Variants in IFI44L observed in about 807,000 individuals in gnomAD.
The protein encoded by IFI44L is interferon-induced protein 44-like.
Under a neutral mutation model 39.3 loss-of-function variants are expected in IFI44L, and 40 were observed. The ratio of observed to expected loss-of-function variants is 1.02; its 90% CI spans 0.79 to 1.33. The LOEUF (loss-of-function observed/expected upper bound fraction) is 1.33, where lower values mean the gene tolerates loss of function less well. IFI44L is among the 40% of genes most tolerant of loss of function. The probability of loss-of-function intolerance (pLI) is 0.00; values close to 1 mark genes in which losing one functional copy is unlikely to be tolerated. For synonymous variants in IFI44L, 198 were observed against 182.3 expected (o/e 1.09, Z -0.69); for missense variants, 623 against 549.0 (o/e 1.13, Z -1.35).
chr1:78,632,968 A>G (rs1486730524), intron 4 of IFI44L, among the ~76,000 whole-genome samples: 1 of 152,184 alleles, frequency 6.6e-6, no homozygotes, highest in Non-Finnish European at 1.5e-5. Context: ...GGGGCAGAGC[A>G]AGATGGTCAC....
intron 1 of IFI44L, among the ~76,000 whole-genome samples, chr1:78,623,484 C>A (rs1488986600): frequency 7.0e-6 from 1 of 142,012 alleles, no homozygotes; most frequent in South Asian, 2.2e-4. Flanking sequence ...TTGAGATGAC[C>A]AATTTGTATT....
intron 1 of IFI44L, among the ~76,000 whole-genome samples, chr1:78,624,590 C>T (rs915249462): frequency 6.6e-6 from 1 of 152,034 alleles, no homozygotes; most frequent in Non-Finnish European, 1.5e-5. Flanking sequence ...CCTATTAGGT[C>T]CATTGGGACT....
rs1477934128 is a variant in IFI44L at position 78,643,945 on chromosome 1, C to T, written c.*2136C>T. On this transcript the variant is annotated 3_prime_UTR_variant, in exon 9 of 9. Transcript: ENST00000370751. ...AAAGGGCAAGTTGGTTAGTACTTAGCTGTGTTTTTATTCAAAGTCTACATT... is the reference window on the plus strand; with the variant it reads ...AAAGGGCAAGTTGGTTAGTACTTAGTTGTGTTTTTATTCAAAGTCTACATT... 6.6e-6 allele frequency: 1 copy of T among 152,072 alleles called. No individual in the cohort carries two copies. The highest frequency in any genetic ancestry group is 6.6e-5 in the Admixed American group (1 of 15,258). 9.4% of individuals were successfully genotyped at this position (152,072 alleles called of 1,614,324 possible). A position where few individuals can be genotyped will look rare whatever the true frequency, so the allele number is the denominator to read the frequency against.
chr1:78,635,649 G>T, intron 5 of IFI44L, 160 bp downstream of exon 5: 1 of 645,008 alleles, frequency 1.6e-6, no homozygotes, highest in East Asian at 2.8e-5. Flanking sequence ...TGAAAAAGTA[G>T]AGTGACTATT....
At chr1:78,635,535 G>T (rs1652916996) in intron 5 of IFI44L, 46 bp downstream of exon 5, 1 of 1,579,116 alleles carries the variant, frequency 6.3e-7, no homozygotes, top group African/African-American at 1.4e-5. Flanking sequence ...ATTTTCTTCA[G>T]TATTTTTCAT....
chr1:78,623,851 G>A (rs147451265), intron 1 of IFI44L, among the ~76,000 whole-genome samples: 105 of 152,260 alleles, frequency 6.9e-4, no homozygotes, highest in Non-Finnish European at 1.3e-3. Context: ...TAGAGAATTT[G>A]CTCTTCCTCT....
intron 5 of IFI44L, 96 bp downstream of exon 5, chr1:78,635,585 T>C (rs1652920117): frequency 8.9e-7 from 1 of 1,124,034 alleles, no homozygotes; most frequent in Admixed American, 2.2e-5. Flanking sequence ...ACTCCCATAA[T>C]GTGGTTTCAA....
intron 6 of IFI44L, among the ~76,000 whole-genome samples, chr1:78,639,681 T>C (rs1018053373): frequency 5.3e-5 from 8 of 152,072 alleles, no homozygotes; most frequent in African/African-American, 1.9e-4. Context: ...TTAGCTACAT[T>C]TAGTGTAAAG....
rs115786871 is a variant in IFI44L, at chr1:78,633,963, G to A, written c.724-1374G>A. On this transcript the variant is annotated intron_variant, in intron 4 of 8. Transcript: ENST00000370751. ...AGAAATGAAATAGAGAGCATCAACA[G>A]CAGAATTGATCAAGTAGAAGAGTCT... is the stretch of plus-strand genomic sequence containing the variant. 7.6e-3 allele frequency among the ~76,000 whole-genome samples: 1,158 copies of A among 152,182 alleles called. 16 individuals carry two copies. Among genetic ancestry groups the A allele is most frequent in the African/African-American group, 0.027 (1,112 of 41,536 alleles).
chr1:78,640,022 A>C (rs1646962363), intron 6 of IFI44L, among the ~76,000 whole-genome samples: 1 of 152,130 alleles, frequency 6.6e-6, no homozygotes, highest in African/African-American at 2.4e-5. Context: ...ACTGTCTAAC[A>C]AAAGTCTGAG....
chr1:78,635,437 G>T lies in IFI44L; in HGVS notation c.824G>T (p.Cys275Phe). 1 of 1,613,534 alleles carries T rather than the reference G, an allele frequency of 6.2e-7. No individual in the cohort carries two copies. Residue 275 changes from cysteine to phenylalanine, a missense_variant, in exon 5 of 9, where the codon TGC (cysteine) becomes TTC (phenylalanine). By Grantham distance (205) the Cys-to-Phe change is radical. Transcript: ENST00000370751. ...GATGGGGCAGAAGGAGCAGGACTGT[G>T]CATGGATGACATTCCCCACATCTTA... The part of the protein sequence containing the change: ...GLDGAEGAGL[C>F]MDDIPHILKG...
intron 6 of IFI44L, among the ~76,000 whole-genome samples, chr1:78,639,982 G>A (rs1646961889): frequency 1.3e-5 from 2 of 152,042 alleles, no homozygotes; most frequent in Non-Finnish European, 1.5e-5. Flanking sequence ...CTAAAATGGG[G>A]ATAATAAGTT....
intron 1 of IFI44L, chr1:78,626,199 G>C (rs889882070): frequency 2.0e-5 from 3 of 151,744 alleles, no homozygotes; most frequent in Admixed American, 6.6e-5. Flanking sequence ...CTACCTTGCA[G>C]TTAAATGTAT....
intron 4 of IFI44L, among the ~76,000 whole-genome samples, chr1:78,633,524 G>C (rs1167865849): frequency 6.6e-6 from 1 of 152,166 alleles, no homozygotes; most frequent in Non-Finnish European, 1.5e-5. Context: ...GTGGTCCCAG[G>C]CTTTGGGACT....
intron 4 of IFI44L, 27 bp from the exon 5 acceptor site, chr1:78,635,310 T>C (rs1210564492): frequency 6.6e-7 from 1 of 1,517,384 alleles, no homozygotes; most frequent in Non-Finnish European, 9.1e-7. Flanking sequence ...TGAATGAACC[T>C]TTACACTTAA....
chr1:78,639,296 CT>C (rs978480900), intron 6 of IFI44L, among the ~76,000 whole-genome samples: 7 of 151,988 alleles, frequency 4.6e-5, no homozygotes, highest in Non-Finnish European at 1.0e-4. Flanking sequence ...TTCTCTTATA[CT>C]ACCTTGGCTA....
At chr1:78,638,955 CAT>C (rs1653051575) in intron 6 of IFI44L, among the ~76,000 whole-genome samples, 1 of 152,052 alleles carries the variant, frequency 6.6e-6, no homozygotes, top group African/African-American at 2.4e-5. Flanking sequence ...TTTTAGCAAA[CAT>C]ATTCTGATAC....
At chr1:78,637,514 T>C (rs561722512) in intron 6 of IFI44L, among the ~76,000 whole-genome samples, 124 of 152,228 alleles carry the variant, frequency 8.1e-4, no homozygotes, top group Non-Finnish European at 1.6e-3. Flanking sequence ...TTGTTAACAA[T>C]GTGTGTTTAT....
At position 78,643,452 on chromosome 1, in the gene IFI44L, T is replaced by C. The variant is rs1647010716; in HGVS notation, c.*1643T>C. The C allele has an allele frequency of 6.6e-6, 1 of 152,072 alleles. No individual in the cohort carries two copies. 9.4% of individuals were successfully genotyped at this position (152,072 alleles called of 1,614,324 possible). A position where few individuals can be genotyped will look rare whatever the true frequency, so the allele number is the denominator to read the frequency against. On this transcript the variant is annotated 3_prime_UTR_variant, in exon 9 of 9. Transcript: ENST00000370751. ...GTAGAGAAAGAGTTTAATAATTGAA[T>C]GGCAGAAAAATGAGGAAGGTTGAGG...
Sources: gnomAD v4.1 joint callset for allele counts (sites outside exome capture counted in the v4.1 genomes callset) on GRCh38, gnomAD v4.1.1 for gene constraint, MANE v1.5 for transcripts, NCBI Gene and HGNC (gene_info 2026-07-23, HGNC 2026-07-21) for gene names.